Variants in IL23R observed in about 807,000 individuals in gnomAD.
The protein encoded by IL23R is interleukin-23 receptor.
A neutral mutation model predicts 56.9 loss-of-function variants in IL23R; 34 were observed. The ratio of observed to expected loss-of-function variants is 0.60; its 90% CI spans 0.45 to 0.80. The LOEUF (loss-of-function observed/expected upper bound fraction) is 0.80. Among genes scored for constraint, IL23R ranks in the 30% least tolerant of loss-of-function variants. IL23R has a pLI of 0.00. For missense variants in IL23R, 635 were observed against 730.0 expected (o/e 0.87, Z 1.50); for synonymous variants, 230 against 249.2 (o/e 0.92, Z 0.73).
At chr1:67,207,187 CT>C (rs1359877501) in intron 6 of IL23R, 132 bp downstream of exon 6, 4 of 1,046,670 alleles carry the variant, frequency 3.8e-6, no homozygotes, top group South Asian at 1.4e-5. Flanking sequence ...ATTCAAGCCA[CT>C]TTAGTTTTTG....
chr1:67,158,209 C>T (rs1646786806), intron 1 of IL23R, among the ~76,000 whole-genome samples: 1 of 150,726 alleles, frequency 6.6e-6, no homozygotes. Context: ...GAGCAAGACT[C>T]CATGTCAAAA....
intron 4 of IL23R, among the ~76,000 whole-genome samples, chr1:67,192,850 A>C (rs1647852785): frequency 1.3e-5 from 2 of 152,032 alleles, no homozygotes; most frequent in African/African-American, 4.8e-5. Flanking sequence ...TAACTGGTCC[A>C]CTCGCTTCCT....
At chr1:67,263,863 CAAA>C (rs11321157), downstream of IL23R, among the ~76,000 whole-genome samples, 5 of 134,162 alleles carry the variant, frequency 3.7e-5, no homozygotes, top group Admixed American at 7.5e-5. Flanking sequence ...GACTCCATCG[CAAA>C]AAAAAAAAAA....
At chr1:67,140,553 G>GA (rs1646627280) in intron 1 of IL23R, among the ~76,000 whole-genome samples, 2 of 152,224 alleles carry the variant, frequency 1.3e-5, no homozygotes, top group African/African-American at 4.8e-5. Flanking sequence ...AAGGAACAGA[G>GA]AAAGATGCAC....
At chr1:67,230,903 G>T (rs1414465140) in intron 7 of IL23R, among the ~76,000 whole-genome samples, 2 of 152,156 alleles carry the variant, frequency 1.3e-5, no homozygotes, top group Non-Finnish European at 2.9e-5. Context: ...AACTGGCCTG[G>T]CTTGGAGAAA....
At chr1:67,161,087 G>A (rs901195931) in intron 1 of IL23R, among the ~76,000 whole-genome samples, 1 of 152,002 alleles carries the variant, frequency 6.6e-6, no homozygotes, top group African/African-American at 2.4e-5. Flanking sequence ...TTCTGAAATG[G>A]CCTTTTTTAC....
At chr1:67,171,542 T>C (rs1267004575) in intron 3 of IL23R, among the ~76,000 whole-genome samples, 1 of 152,184 alleles carries the variant, frequency 6.6e-6, no homozygotes, top group African/African-American at 2.4e-5. Context: ...TTGGTTAACA[T>C]TGTTACTTCA....
At chr1:67,224,472 A>G (rs1045441165) in intron 7 of IL23R, among the ~76,000 whole-genome samples, 3 of 152,198 alleles carry the variant, frequency 2.0e-5, no homozygotes, top group Non-Finnish European at 2.9e-5. Flanking sequence ...ATTCATCTCA[A>G]TACAATGTGT....
intron 3 of IL23R, among the ~76,000 whole-genome samples, chr1:67,182,015 G>T (rs151142666): frequency 6.6e-6 from 1 of 152,126 alleles, no homozygotes; most frequent in Non-Finnish European, 1.5e-5. Flanking sequence ...AGGAGTACCT[G>T]GCCATGTGAC....
At chr1:67,249,596 ATAT>A (rs1411793170) in intron 9 of IL23R, among the ~76,000 whole-genome samples, 1 of 152,174 alleles carries the variant, frequency 6.6e-6, no homozygotes, top group Non-Finnish European at 1.5e-5. Flanking sequence ...ACATATATTA[ATAT>A]TATTTAACCT....
chr1:67,244,719 G>A (rs1367158096), intron 9 of IL23R, among the ~76,000 whole-genome samples: 1 of 152,122 alleles, frequency 6.6e-6, no homozygotes, highest in Non-Finnish European at 1.5e-5. Context: ...CTGTAACCTT[G>A]TAGTATAGTT....
intron 6 of IL23R, among the ~76,000 whole-genome samples, chr1:67,219,141 C>A (rs947341366): frequency 5.3e-5 from 8 of 151,586 alleles, no homozygotes; most frequent in African/African-American, 1.9e-4. Flanking sequence ...CCAAGGTGGG[C>A]GGATCACTTG....
intron 7 of IL23R, among the ~76,000 whole-genome samples, chr1:67,227,940 A>ATCTTTCTTTCTTTCTTCCTT (rs1650732511): frequency 2.7e-5 from 1 of 37,434 alleles, no homozygotes; most frequent in Admixed American, 2.5e-4. Context: ...CAGAACAAAG[A>ATCTTTCTTTCTTTCTTCCTT]TCTTTCTTTC....
chr1:67,168,543 T>C (rs1459360587), intron 2 of IL23R, among the ~76,000 whole-genome samples: 1 of 152,224 alleles, frequency 6.6e-6, no homozygotes, highest in Non-Finnish European at 1.5e-5. Context: ...AACCACTTGT[T>C]GATAGTTACT....
chr1:67,139,522 C>A (rs1646615032), intron 1 of IL23R, among the ~76,000 whole-genome samples: 1 of 152,168 alleles, frequency 6.6e-6, no homozygotes, highest in African/African-American at 2.4e-5. Flanking sequence ...CAGTCCTAGG[C>A]TTTTTCCCCA....
At chr1:67,164,169 A>G (rs1646848698), upstream of IL23R, among the ~76,000 whole-genome samples, 1 of 152,204 alleles carries the variant, frequency 6.6e-6, no homozygotes, top group South Asian at 2.1e-4. Context: ...TAGCAAAAAC[A>G]AAAACAATAA....
At chr1:67,159,623 C>CA (rs1646800474) in intron 1 of IL23R, among the ~76,000 whole-genome samples, 1 of 152,104 alleles carries the variant, frequency 6.6e-6, no homozygotes. Context: ...AATTCTCATG[C>CA]AGTGGTGCAT....
chr1:67,169,535 G>C lies in IL23R; in HGVS notation c.264G>C (p.Trp88Cys), dbSNP rs1558224191. 1 of 1,613,898 alleles carries C rather than the reference G, an allele frequency of 6.2e-7. No individual in the cohort carries two copies. Among genetic ancestry groups the C allele is most frequent in the Non-Finnish European group, 8.5e-7 (1 of 1,179,802 alleles). The change falls in exon 3 of 11, where the codon TGG (tryptophan) becomes TGC (cysteine). Residue 88 changes from tryptophan (W) to cysteine (C), a missense_variant. Coordinates refer to ENST00000347310, the MANE Select transcript of IL23R (RefSeq NM_144701.3). ...TRINKTTARL[W>C]YKNFLEPHAS... ...TTAATAAAACAACAGCTCGGCTTTG[G>C]TATAAAAACTTTCTGGAACCACATG...
chr1:67,216,673 G>A (rs1452373143), intron 6 of IL23R, among the ~76,000 whole-genome samples: 5 of 152,078 alleles, frequency 3.3e-5, no homozygotes, highest in African/African-American at 4.8e-5. Flanking sequence ...TCATGAAATA[G>A]TCTTTTTTTA....
Sources: gnomAD v4.1 joint callset for allele counts (sites outside exome capture counted in the v4.1 genomes callset) on GRCh38, gnomAD v4.1.1 for gene constraint, MANE v1.5 for transcripts, NCBI Gene and HGNC (gene_info 2026-07-23, HGNC 2026-07-21) for gene names.